PPARGC1B: variants seen among roughly 807,000 people sequenced by gnomAD.
PPARGC1B encodes peroxisome proliferator-activated receptor gamma coactivator 1-beta.
Under a neutral mutation model 101.6 loss-of-function variants are expected in PPARGC1B, and 34 were observed. That is an observed-to-expected ratio of 0.33 (90% CI 0.25 to 0.45). The LOEUF (loss-of-function observed/expected upper bound fraction) is 0.45, where lower values mean the gene tolerates loss of function less well. Among genes scored for constraint, PPARGC1B ranks in the 20% least tolerant of loss-of-function variants. The probability of loss-of-function intolerance (pLI) is 1.00; values close to 1 mark genes in which losing one functional copy is unlikely to be tolerated. For missense variants in PPARGC1B, 1,234 were observed against 1,317.6 expected, an observed-to-expected ratio of 0.94 and a Z score of 0.98; for synonymous variants, 548 against 539.3, an observed-to-expected ratio of 1.02 and a Z score of -0.22.
At chr5:149,813,936 C>T (rs1033234298) in intron 1 of PPARGC1B, among the ~76,000 whole-genome samples, 7 of 152,124 alleles carry the variant, frequency 4.6e-5, no homozygotes, top group African/African-American at 1.7e-4. Flanking sequence ...TATAAGGGTA[C>T]GCATCCCATT....
intron 2 of PPARGC1B, among the ~76,000 whole-genome samples, chr5:149,823,959 G>A (rs1437305920): frequency 6.6e-6 from 1 of 152,104 alleles, no homozygotes; most frequent in African/African-American, 2.4e-5. Context: ...GACCTTGAAA[G>A]GTCTCTTTCC....
In PPARGC1B at chr5:149,762,926, A is replaced by G. The variant is rs574185673; in HGVS notation, c.78+32506A>G. The stretch of plus-strand genomic sequence containing the variant: ...CTCAGCCTCCCAAGCAGCTGAAACT[A>G]TAGGTGTGCACCATTACACCCAGCA... On this transcript the variant is annotated intron_variant, in intron 1 of 11. Transcript: ENST00000309241. 4.6e-5 allele frequency among the ~76,000 whole-genome samples: 7 copies of G among 152,268 alleles called. No individual in the cohort carries two copies. In the South Asian group the frequency reaches 1.2e-3, roughly 27 times the overall value.
At chr5:149,814,395 A>G (rs1258998314) in intron 1 of PPARGC1B, among the ~76,000 whole-genome samples, 2 of 152,162 alleles carry the variant, frequency 1.3e-5, no homozygotes, top group African/African-American at 4.8e-5. Context: ...GAAATTTGAT[A>G]AGTACAGAAT....
chr5:149,770,153 A>G (rs1756073618), intron 1 of PPARGC1B, among the ~76,000 whole-genome samples: 1 of 151,656 alleles, frequency 6.6e-6, no homozygotes, highest in Non-Finnish European at 1.5e-5. Context: ...ATCCTTTTTT[A>G]ATATTTATTT....
Position 149,840,072 on chromosome 5 carries a change from A to G in PPARGC1B, c.2650A>G (p.Thr884Ala). The G allele has an allele frequency of 1.2e-6, 2 of 1,614,026 alleles. No homozygotes were observed. Among genetic ancestry groups the G allele is most frequent in the Non-Finnish European group, 1.7e-6 (2 of 1,179,968 alleles). ...CESRGPCSDR[T>A]PSIRHARKRR... Reference sequence around the variant, plus strand: ...GAGCAGAGGGCCGTGTTCAGACAGAACGCCAAGCATCCGGCACGCCAGGAA... The same window carrying G: ...GAGCAGAGGGCCGTGTTCAGACAGAGCGCCAAGCATCCGGCACGCCAGGAA... The change falls in exon 9 of 12, where the codon ACG (threonine) becomes GCG (alanine). Residue 884 changes from threonine to alanine, a missense_variant. Around this residue, in one of 3 missense-constraint regions of PPARGC1B, gnomAD observed 497 missense variants for 529.5 expected, o/e 0.94. Coordinates refer to ENST00000309241, the MANE Select transcript of PPARGC1B (RefSeq NM_133263.4).
Position 149,730,556 on chromosome 5 carries a change from C to G in PPARGC1B, c.78+136C>G. 1.6e-6 allele frequency: 1 copy of G among 620,790 alleles called. No individual in the cohort carries two copies. Among genetic ancestry groups the G allele is most frequent in the Non-Finnish European group, 2.6e-6 (1 of 381,770 alleles). The allele number at this position is 620,790 out of a possible 1,614,324, so 38.5% of individuals were successfully genotyped here. On this transcript the variant is annotated intron_variant, in intron 1 of 11. Coordinates refer to ENST00000309241, the MANE Select transcript of PPARGC1B (RefSeq NM_133263.4). This position sits in a 1 kb window ranked among gnomAD's most constrained non-coding sequence, Gnocchi z 4.0. ...GGTTCCAGGCTGCAGAGCCCCCCTT[C>G]CAGGCGCCCTGCGATGCGCTCCGTT... is the stretch of plus-strand genomic sequence containing the variant.
At chr5:149,818,427 C>G (rs760974100) in intron 1 of PPARGC1B, among the ~76,000 whole-genome samples, 11 of 152,148 alleles carry the variant, frequency 7.2e-5, no homozygotes, top group Non-Finnish European at 1.2e-4. Context: ...CAGAGACAGA[C>G]TTGCTGGGCA....
chr5:149,777,194 T>A (rs942383514), intron 1 of PPARGC1B, among the ~76,000 whole-genome samples: 2 of 152,206 alleles, frequency 1.3e-5, no homozygotes, highest in African/African-American at 4.8e-5. Context: ...TCAAAAGCAC[T>A]TAGTATATGC....
chr5:149,838,727 A>T (rs1283406471), intron 8 of PPARGC1B, among the ~76,000 whole-genome samples: 2 of 152,208 alleles, frequency 1.3e-5, no homozygotes, highest in African/African-American at 2.4e-5. Flanking sequence ...CTTTTGGGCC[A>T]GGTTCAGGGC....
Position 149,850,842 on chromosome 5 carries a change from C to T in PPARGC1B, c.*3284C>T, listed in dbSNP as rs1047085081. 8.5e-5 allele frequency: 13 copies of T among 152,178 alleles called. No homozygotes were observed. The highest frequency in any genetic ancestry group is 3.1e-4 in the African/African-American group (13 of 41,498). 9.4% of individuals were successfully genotyped at this position (152,178 alleles called of 1,614,324 possible). ...ATCCAACCACTAAGTGGAATTCTTC[C>T]ATCTCCTTCCTCAGTCTGTACAAGG... On this transcript the variant is annotated 3_prime_UTR_variant, in exon 12 of 12. Transcript: ENST00000309241.
At chr5:149,771,342 G>A (rs1756125092) in intron 1 of PPARGC1B, among the ~76,000 whole-genome samples, 1 of 152,172 alleles carries the variant, frequency 6.6e-6, no homozygotes, top group Non-Finnish European at 1.5e-5. Context: ...TTTAGGTGGG[G>A]AAATTGGGGT....
chr5:149,799,731 CTT>C (rs1406488447), intron 1 of PPARGC1B, among the ~76,000 whole-genome samples: 10 of 101,290 alleles, frequency 9.9e-5, no homozygotes, highest in Non-Finnish European at 1.6e-4. Context: ...AAGTCTTGCT[CTT>C]GTCACCCAGG....
At position 149,750,453 on chromosome 5, in the gene PPARGC1B, A is replaced by AATATATATATATATATATATATAT. The variant is rs55971526; in HGVS notation, c.78+20046_78+20069dup. ...TAGCTGTCTTCTCTGTTTTAGTTAA[A>AATATATATATATATATATATATAT]ATATATATATATATATATATATATA... is the stretch of plus-strand genomic sequence containing the variant. On this transcript the variant is annotated intron_variant, in intron 1 of 11. Transcript: ENST00000309241. Among the ~76,000 whole-genome samples, 354 of 123,018 alleles carry AATATATATATATATATATATATAT rather than the reference A, an allele frequency of 2.9e-3. 7 individuals carry two copies. Among genetic ancestry groups the AATATATATATATATATATATATAT allele is most frequent in the Middle Eastern group, 4.6e-3 (1 of 216 alleles). 80.7% of individuals were successfully genotyped at this position (123,018 alleles called of 152,430 possible). A position where few individuals can be genotyped will look rare whatever the true frequency, so the allele number is the denominator to read the frequency against.
At chr5:149,784,779 G>A (rs1487173656) in intron 1 of PPARGC1B, among the ~76,000 whole-genome samples, 1 of 151,884 alleles carries the variant, frequency 6.6e-6, no homozygotes, top group African/African-American at 2.4e-5. Context: ...GTGTTAGCCA[G>A]GATGGTCTCG....
Position 149,826,732 on chromosome 5 carries a change from TG to T in PPARGC1B, c.313del (p.Glu105LysfsTer101). ...ELTKTLDDIPEDDVGLAAFPA... is the reference protein window; with the variant it reads ...ELTKTLDDIPXDDVGLAAFPA... The stretch of plus-strand genomic sequence containing the variant: ...TCACCAAGACCCTGGATGACATCCC[TG>T]AAGATGACGTGGGTCTGGCTGCCTT... On this transcript the variant is annotated frameshift_variant, in exon 3 of 12. Coordinates refer to ENST00000309241, the MANE Select transcript of PPARGC1B (RefSeq NM_133263.4). LOFTEE classifies it high-confidence loss of function. 6.2e-7 allele frequency: 1 copy of T among 1,613,936 alleles called. No individual in the cohort carries two copies. Among genetic ancestry groups the T allele is most frequent in the Non-Finnish European group, 8.5e-7 (1 of 1,179,946 alleles).
At position 149,833,412 on chromosome 5, in the gene PPARGC1B, G is replaced by A; in HGVS notation, c.1339G>A (p.Glu447Lys). The A allele has an allele frequency of 6.3e-7, 1 of 1,598,132 alleles. No individual in the cohort carries two copies. The highest frequency in any genetic ancestry group is 8.5e-7 in the Non-Finnish European group (1 of 1,172,204). Residue 447 changes from glutamate (E) to lysine (K), a missense_variant, in exon 5 of 12, where the codon GAG becomes AAG. Transcript: ENST00000309241. The surrounding 1 kb of genome is among the most constrained non-coding windows in gnomAD (Gnocchi z 4.1). ...EEEEEEEEKE[E>K]EEEWGRKRPG... The stretch of plus-strand genomic sequence containing the variant: ...GGAGGAAGAGGAAGAAGAAAAAGAG[G>A]AGGAGGAGGAGTGGGGCAGGAAAAG...
intron 1 of PPARGC1B, among the ~76,000 whole-genome samples, chr5:149,798,260 G>T (rs890840892): frequency 6.6e-6 from 1 of 152,264 alleles, no homozygotes; most frequent in South Asian, 2.1e-4. Context: ...AATAGAGTCC[G>T]CACCACAAAA....
In PPARGC1B at chr5:149,851,167, T is replaced by C. The variant is rs25846; in HGVS notation, c.*3609T>C. 117,100 of 152,200 alleles carry C rather than the reference T, an allele frequency of 0.77. 46,007 individuals are homozygous for C. The highest frequency in any genetic ancestry group is 0.94 in the African/African-American group (39,036 of 41,538). 9.4% of individuals were successfully genotyped at this position (152,200 alleles called of 1,614,324 possible). On this transcript the variant is annotated 3_prime_UTR_variant, in exon 12 of 12. Coordinates refer to ENST00000309241, the MANE Select transcript of PPARGC1B (RefSeq NM_133263.4). The stretch of plus-strand genomic sequence containing the variant: ...AAGACCCAGTACTCAAGTTCTGACG[T>C]GGGAGGAGATGCAGTGAGACGTCTC...
chr5:149,769,956 T>C (rs1756063721), intron 1 of PPARGC1B, among the ~76,000 whole-genome samples: 2 of 151,950 alleles, frequency 1.3e-5, no homozygotes, highest in African/African-American at 4.8e-5. Flanking sequence ...ATCGGCAGAG[T>C]CCCTTTTGCC....
Sources: gnomAD v4.1 joint callset for allele counts (sites outside exome capture counted in the v4.1 genomes callset) on GRCh38, gnomAD v4.1.1 for gene constraint, gnomAD v4.1.1 regional missense constraint, Gnocchi (gnomAD v3.1) non-coding constraint, MANE v1.5 for transcripts, NCBI Gene and HGNC (gene_info 2026-07-23, HGNC 2026-07-21) for gene names.